MAP2: variants seen among roughly 807,000 people sequenced by gnomAD.
MAP2 encodes microtubule associated protein 2, also known as microtubule-associated protein 2.
Under a neutral mutation model 137.6 loss-of-function variants are expected in MAP2, and 14 were observed. The ratio of observed to expected loss-of-function variants is 0.10; its 90% CI spans 0.07 to 0.16. MAP2 has a LOEUF of 0.16. Among genes scored for constraint, MAP2 ranks in the 10% least tolerant of loss-of-function variants. MAP2 has a pLI of 1.00. For synonymous variants in MAP2, 786 were observed against 782.3 expected, an observed-to-expected ratio of 1.00 and a Z score of -0.08; for missense variants, 2,088 against 2,191.5, an observed-to-expected ratio of 0.95 and a Z score of 0.94.
At chr2:209,455,739 T>C (rs1290214571) in intron 1 of MAP2, among the ~76,000 whole-genome samples, 1 of 152,190 alleles carries the variant, frequency 6.6e-6, no homozygotes, top group Admixed American at 6.5e-5. Flanking sequence ...CTTGTAATCC[T>C]GGTCCTGAGG....
Position 209,730,229 on chromosome 2 carries a change from G to T in MAP2, c.5316G>T (p.Val1772=), listed in dbSNP as rs576734345. The T allele has an allele frequency of 6.2e-7, 1 of 1,614,072 alleles. No individual in the cohort carries two copies. The highest frequency in any genetic ancestry group is 1.3e-5 in the African/African-American group (1 of 75,020). The change falls in exon 16 of 16, where the codon GTG becomes GTT. Residue 1772 remains valine (V), a synonymous_variant. Coordinates refer to ENST00000682079, the MANE Select transcript of MAP2 (RefSeq NM_001375505.1). Reference sequence around the variant, plus strand: ...TCAGAGAGCATGCTAAAGCCCGTGTGGACCATGGGGCTGAGATCATTACAC... The same window carrying T: ...TCAGAGAGCATGCTAAAGCCCGTGTTGACCATGGGGCTGAGATCATTACAC... The part of the protein sequence containing the change: ...LNFREHAKAR[V]DHGAEIITQS...
At chr2:209,438,903 A>G (rs891583846) in intron 1 of MAP2, among the ~76,000 whole-genome samples, 3 of 151,102 alleles carry the variant, frequency 2.0e-5, no homozygotes, top group Non-Finnish European at 4.4e-5. Flanking sequence ...TTATATTATT[A>G]TTTATAATAT....
intron 3 of MAP2, among the ~76,000 whole-genome samples, chr2:209,593,634 A>AATATATATATAT (rs58330460): frequency 3.0e-5 from 1 of 33,644 alleles, no homozygotes; most frequent in African/African-American, 1.3e-4. Flanking sequence ...AAAAAAAAAA[A>AATATATATATAT]ATATATATAT....
intron 10 of MAP2, among the ~76,000 whole-genome samples, chr2:209,699,373 G>T (rs1260965282): frequency 1.3e-5 from 2 of 152,090 alleles, no homozygotes; most frequent in African/African-American, 4.8e-5. Flanking sequence ...TCTATTTTAT[G>T]AATGAAAATT....
chr2:209,618,809 T>C (rs549111292), intron 3 of MAP2, among the ~76,000 whole-genome samples: 2 of 151,434 alleles, frequency 1.3e-5, no homozygotes, highest in East Asian at 1.9e-4. Flanking sequence ...TGAAACCAAA[T>C]GTCAAAGAGA....
At chr2:209,729,373 G>A (rs1481738429) in intron 14 of MAP2, among the ~76,000 whole-genome samples, 2 of 152,108 alleles carry the variant, frequency 1.3e-5, no homozygotes, top group Non-Finnish European at 2.9e-5. Context: ...TGAATATATT[G>A]CCCACATGTG....
rs1582304569 is a variant in MAP2 at position 209,653,584 on chromosome 2, C to T, written c.262+152C>T. 9 of 703,164 alleles carry T rather than the reference C, an allele frequency of 1.3e-5. No individual in the cohort carries two copies. The East Asian group carries it at 2.4e-4, about 18-fold the overall frequency. 43.6% of individuals were successfully genotyped at this position (703,164 alleles called of 1,614,324 possible). On this transcript the variant is annotated intron_variant, in intron 5 of 15. Transcript: ENST00000682079. ...AGAGGAAATAAAAGAAGAGAAAAAT[C>T]ATGGCAACTAACTTGACATTTCCCC... is the stretch of plus-strand genomic sequence containing the variant.
chr2:209,471,076 A>C (rs187293223), intron 1 of MAP2, among the ~76,000 whole-genome samples: 4 of 152,182 alleles, frequency 2.6e-5, no homozygotes, highest in African/African-American at 9.6e-5. Flanking sequence ...AAGGTTCTGC[A>C]TGGTCTGACT....
intron 1 of MAP2, among the ~76,000 whole-genome samples, chr2:209,501,094 A>G (rs900815665): frequency 2.6e-5 from 4 of 151,206 alleles, no homozygotes; most frequent in African/African-American, 4.8e-5. Context: ...TACAAGAATT[A>G]CAAACAAAAA....
chr2:209,610,821 G>A (rs1455886878), intron 3 of MAP2, among the ~76,000 whole-genome samples: 7 of 152,082 alleles, frequency 4.6e-5, no homozygotes, highest in African/African-American at 1.7e-4. Flanking sequence ...ATTCCAATTA[G>A]CTAATGCCTA....
At chr2:209,724,952 A>G (rs1277130727) in intron 13 of MAP2, among the ~76,000 whole-genome samples, 2 of 152,228 alleles carry the variant, frequency 1.3e-5, no homozygotes, top group East Asian at 3.8e-4. Flanking sequence ...TCTTAAAGTA[A>G]GTAGAGGAGC....
chr2:209,432,420 T>C (rs576660817), intron 1 of MAP2, among the ~76,000 whole-genome samples: 5 of 152,324 alleles, frequency 3.3e-5, no homozygotes, highest in African/African-American at 9.6e-5. Context: ...CAGAGCTTCA[T>C]CTGCACCCAT....
chr2:209,472,389 CTGTTGAAGGCCAAGGTACT>C (rs1165692382), intron 1 of MAP2, among the ~76,000 whole-genome samples: 1 of 152,112 alleles, frequency 6.6e-6, no homozygotes, highest in East Asian at 1.9e-4. Flanking sequence ...AGTCAGGAAG[CTGTTGAAGGCCAAGGTACT>C]TGGCCTGCTG....
At chr2:209,516,087 A>C (rs1413909055) in intron 2 of MAP2, among the ~76,000 whole-genome samples, 2 of 152,098 alleles carry the variant, frequency 1.3e-5, no homozygotes, top group Admixed American at 6.6e-5. Flanking sequence ...GAGCCACTGC[A>C]CCTGGCCCGG....
chr2:209,572,005 A>C (rs2074475397), intron 2 of MAP2, among the ~76,000 whole-genome samples: 1 of 151,980 alleles, frequency 6.6e-6, no homozygotes, highest in Non-Finnish European at 1.5e-5. Flanking sequence ...AAATATGAAT[A>C]TCTCGGAGGT....
intron 2 of MAP2, among the ~76,000 whole-genome samples, chr2:209,578,595 G>T (rs1325923732): frequency 5.9e-5 from 9 of 151,350 alleles, no homozygotes; most frequent in Non-Finnish European, 1.2e-4. Flanking sequence ...ATCGAATTTT[G>T]CTCCATTCAC....
intron 1 of MAP2, among the ~76,000 whole-genome samples, chr2:209,456,430 A>G (rs1394009923): frequency 1.3e-5 from 2 of 152,190 alleles, no homozygotes; most frequent in East Asian, 3.8e-4. Flanking sequence ...TCATTTTACT[A>G]CTCAGGCCTC....
At chr2:209,503,048 A>G (rs2060594296) in intron 1 of MAP2, among the ~76,000 whole-genome samples, 1 of 142,810 alleles carries the variant, frequency 7.0e-6, no homozygotes, top group South Asian at 2.2e-4. Flanking sequence ...TTGCCCAGGC[A>G]GGAGTTCAGT....
At chr2:209,528,932 A>G (rs1174967006) in intron 2 of MAP2, among the ~76,000 whole-genome samples, 1 of 150,992 alleles carries the variant, frequency 6.6e-6, no homozygotes, top group Non-Finnish European at 1.5e-5. Context: ...ACATATATAT[A>G]CATACATATG....
Sources: allele counts gnomAD v4.1 joint callset (sites outside exome capture counted in the v4.1 genomes callset), GRCh38; gene constraint gnomAD v4.1.1; transcripts MANE v1.5; gene names NCBI Gene and HGNC (gene_info 2026-07-23, HGNC 2026-07-21).